The following TLE1 variants were observed in gnomAD, a reference collection of about 807,000 sequenced individuals.
TLE1 encodes transducin-like enhancer protein 1.
A neutral mutation model predicts 89.8 loss-of-function variants in TLE1; 21 were observed. The ratio of observed to expected loss-of-function variants is 0.23; its 90% confidence interval spans 0.17 to 0.34. The LOEUF (loss-of-function observed/expected upper bound fraction) is 0.34, where lower values mean the gene tolerates loss of function less well. Among genes scored for constraint, TLE1 ranks in the 10% least tolerant of loss-of-function variants. TLE1 has a pLI of 1.00. For synonymous variants in TLE1, 447 were observed against 407.6 expected, an observed-to-expected ratio of 1.10 and a Z score of -1.16; for missense variants, 795 against 1,031.2, an observed-to-expected ratio of 0.77 and a Z score of 3.14.
At chr9:81,596,229 G>A (rs755577821) in intron 14 of TLE1, among the ~76,000 whole-genome samples, 14 of 152,146 alleles carry the variant, frequency 9.2e-5, no homozygotes, top group Non-Finnish European at 1.9e-4. Flanking sequence ...TCATATGGAG[G>A]CAATTTAAAA....
chr9:81,673,975 T>G (rs893728409), intron 4 of TLE1, among the ~76,000 whole-genome samples: 2 of 152,146 alleles, frequency 1.3e-5, no homozygotes, highest in Admixed American at 1.3e-4. Flanking sequence ...CGCAGATCAA[T>G]GTTAAGACCC....
chr9:81,621,706 G>A (rs902776097), intron 8 of TLE1, among the ~76,000 whole-genome samples: 39 of 152,180 alleles, frequency 2.6e-4, no homozygotes, highest in African/African-American at 8.2e-4. Flanking sequence ...TAACCAGCCA[G>A]AGGTAATCAG....
At chr9:81,601,625 A>G (rs1830939220) in intron 14 of TLE1, among the ~76,000 whole-genome samples, 1 of 152,070 alleles carries the variant, frequency 6.6e-6, no homozygotes, top group Non-Finnish European at 1.5e-5. Context: ...AAGTCTAACT[A>G]AACTTTGGAA....
chr9:81,630,049 A>G (rs1384493097), intron 8 of TLE1, among the ~76,000 whole-genome samples: 1 of 152,004 alleles, frequency 6.6e-6, no homozygotes, highest in African/African-American at 2.4e-5. Context: ...AAATCCATAC[A>G]CACCCACATT....
intron 7 of TLE1, 28 bp from the exon 8 acceptor site, chr9:81,633,392 C>T (rs1293546723): frequency 1.2e-6 from 2 of 1,613,406 alleles, no homozygotes; most frequent in Admixed American, 1.7e-5. Context: ...AAGAAACGCA[C>T]AGACATGCCC....
intron 8 of TLE1, among the ~76,000 whole-genome samples, chr9:81,632,575 G>A (rs1826811200): frequency 6.6e-6 from 1 of 151,178 alleles, no homozygotes; most frequent in Admixed American, 6.6e-5. Context: ...AGCTGAAAAG[G>A]GGCTGAATTC....
chr9:81,665,861 C>CT (rs1831398972), intron 4 of TLE1, among the ~76,000 whole-genome samples: 2 of 55,156 alleles, frequency 3.6e-5, no homozygotes, highest in Non-Finnish European at 6.7e-5. Flanking sequence ...GGGCTGCCCT[C>CT]ATTTTTTTTT....
chr9:81,610,835 T>C (rs922933049), intron 13 of TLE1, among the ~76,000 whole-genome samples: 3 of 140,540 alleles, frequency 2.1e-5, no homozygotes, highest in African/African-American at 7.9e-5. Context: ...GTTGCATACA[T>C]GGGTCTAATT....
At position 81,654,025 on chromosome 9, in the gene TLE1, G is replaced by C. The variant is rs1163299856; in HGVS notation, c.246C>G (p.Ala82=). The C allele has an allele frequency of 1.2e-6, 2 of 1,613,776 alleles. No individual in the cohort carries two copies. The highest frequency in any genetic ancestry group is 1.7e-6 in the Non-Finnish European group (2 of 1,179,920). Residue 82 remains alanine (A), a synonymous_variant, in exon 5 of 20, where the codon GCC becomes GCG. Coordinates refer to ENST00000376499, the MANE Select transcript of TLE1 (RefSeq NM_005077.5). ...GTGCACAAATCGTATTCAATCTCTT[G>C]GCGATTTCAGTCTATAAAGACAAAG... The part of the protein sequence containing the change: ...NIEMHKQTEI[A]KRLNTICAQV...
At chr9:81,644,780 G>C (rs183842267) in intron 6 of TLE1, among the ~76,000 whole-genome samples, 5 of 152,092 alleles carry the variant, frequency 3.3e-5, no homozygotes, top group Admixed American at 6.6e-5. Flanking sequence ...AATCACCTGA[G>C]GTCAGGAGTT....
intron 14 of TLE1, among the ~76,000 whole-genome samples, chr9:81,602,624 AGCATTTT>A (rs1019611609): frequency 4.3e-4 from 66 of 152,292 alleles, no homozygotes; most frequent in African/African-American, 1.5e-3. Context: ...CAGATTTTGA[AGCATTTT>A]GGATTTTGAA....
chr9:81,643,503 TG>T (rs1828431969), intron 6 of TLE1, among the ~76,000 whole-genome samples: 1 of 152,176 alleles, frequency 6.6e-6, no homozygotes. Context: ...CCCAAAGTGC[TG>T]GGATTACAGG....
At chr9:81,665,550 G>A (rs747123587) in intron 4 of TLE1, among the ~76,000 whole-genome samples, 1 of 152,068 alleles carries the variant, frequency 6.6e-6, no homozygotes, top group Non-Finnish European at 1.5e-5. Context: ...AGGCTGCTTG[G>A]GCACAGATAG....
chr9:81,640,262 G>A (rs1827938950), intron 6 of TLE1, among the ~76,000 whole-genome samples: 1 of 152,074 alleles, frequency 6.6e-6, no homozygotes, highest in African/African-American at 2.4e-5. Context: ...CCAAATTCTT[G>A]TTTAAAAAAT....
chr9:81,614,538 G>C (rs997987684), intron 11 of TLE1, among the ~76,000 whole-genome samples: 1 of 152,236 alleles, frequency 6.6e-6, no homozygotes, highest in South Asian at 2.1e-4. Flanking sequence ...CAAAGAGCAC[G>C]GGCTAAAGAG....
At chr9:81,660,145 C>T (rs1454612743) in intron 4 of TLE1, among the ~76,000 whole-genome samples, 2 of 152,046 alleles carry the variant, frequency 1.3e-5, no homozygotes, top group South Asian at 2.1e-4. Flanking sequence ...TACGAGAACA[C>T]GACTCCTACT....
At chr9:81,652,772 C>T (rs1335853949) in intron 5 of TLE1, among the ~76,000 whole-genome samples, 2 of 152,104 alleles carry the variant, frequency 1.3e-5, no homozygotes, top group Admixed American at 1.3e-4. Flanking sequence ...AGAACCCTGT[C>T]TCTATTTTTA....
intron 4 of TLE1, among the ~76,000 whole-genome samples, chr9:81,670,309 A>C (rs1832050095): frequency 1.3e-5 from 2 of 152,154 alleles, no homozygotes; most frequent in African/African-American, 4.8e-5. Flanking sequence ...CTCACAATGC[A>C]AAGTCTACAC....
At chr9:81,599,943 A>G (rs545867271) in intron 14 of TLE1, 88 of 526,534 alleles carry the variant, frequency 1.7e-4, no homozygotes, top group African/African-American at 1.2e-3. Flanking sequence ...CTTAAAATGG[A>G]TATGTAAAAG....
Sources: allele counts gnomAD v4.1 joint callset (sites outside exome capture counted in the v4.1 genomes callset), GRCh38; gene constraint gnomAD v4.1.1; transcripts MANE v1.5; gene names NCBI Gene and HGNC (gene_info 2026-07-23, HGNC 2026-07-21).